EYS: variants seen among roughly 807,000 people sequenced by gnomAD.
The protein encoded by EYS is EGF-like photoreceptor maintenance factor, also known as protein eyes shut homolog.
A neutral mutation model predicts 282.1 loss-of-function variants in EYS; 250 were observed. The observed-to-expected ratio is 0.89, with a 90% CI of 0.80 to 0.98. The LOEUF (loss-of-function observed/expected upper bound fraction) is 0.98, where lower values mean the gene tolerates loss of function less well. Among genes scored for constraint, EYS ranks in the 50% least tolerant of loss-of-function variants. EYS has a pLI of 0.00. For missense variants in EYS, 4,016 were observed against 3,709.0 expected (o/e 1.08, Z -2.15); for synonymous variants, 1,355 against 1,282.9 (o/e 1.06, Z -1.20).
intron 11 of EYS, among the ~76,000 whole-genome samples, chr6:65,309,467 A>G (rs1327346186): frequency 6.6e-6 from 1 of 152,174 alleles, no homozygotes; most frequent in Non-Finnish European, 1.5e-5. Flanking sequence ...AAATGTTCTC[A>G]AAAAAGCATT....
chr6:65,314,562 GTGT>G lies in EYS; in HGVS notation c.1767-18446_1767-18444del, dbSNP rs1769249333. On this transcript the variant is annotated intron_variant, in intron 11 of 42. Coordinates refer to ENST00000503581, the MANE Select transcript of EYS (RefSeq NM_001142800.2). ...TCTCTTCTTTGGACTTCCCCTTATG[GTGT>G]GTGTGTGTGTGTGTGTGTGTGTGTG... Among the ~76,000 whole-genome samples, 49 of 6,256 alleles carry G rather than the reference GTGT, an allele frequency of 7.8e-3. 1 individual carries two copies. Among genetic ancestry groups the G allele is most frequent in the Middle Eastern group, 0.062 (1 of 16 alleles). 4.1% of individuals were successfully genotyped at this position (6,256 alleles called of 152,430 possible).
At chr6:63,765,311 A>G (rs1769759054) in intron 40 of EYS, among the ~76,000 whole-genome samples, 1 of 152,042 alleles carries the variant, frequency 6.6e-6, no homozygotes, top group Non-Finnish European at 1.5e-5. Context: ...ATAAAATGGG[A>G]CAAGTTCTAA....
At chr6:64,080,403 GTTGT>G (rs1158530833) in intron 32 of EYS, among the ~76,000 whole-genome samples, 3 of 152,096 alleles carry the variant, frequency 2.0e-5, no homozygotes, top group South Asian at 2.1e-4. Flanking sequence ...TGTTGATGGG[GTTGT>G]TTGTTTTTTT....
intron 22 of EYS, among the ~76,000 whole-genome samples, chr6:64,747,151 G>A (rs1772581292): frequency 6.6e-6 from 1 of 152,160 alleles, no homozygotes; most frequent in Non-Finnish European, 1.5e-5. Context: ...ATGATGAAAA[G>A]CAAGTAAAAC....
intron 8 of EYS, among the ~76,000 whole-genome samples, chr6:65,360,273 A>G (rs868023110): frequency 6.6e-6 from 1 of 151,982 alleles, no homozygotes. Context: ...TCAAAAAGCA[A>G]TGATGAATTT....
chr6:64,403,077 T>A (rs1338834), intron 28 of EYS, among the ~76,000 whole-genome samples: 42,112 of 151,882 alleles, frequency 0.28, 5,954 homozygotes, highest in East Asian at 0.46. Context: ...TATTAAATAC[T>A]AAGATCATTG....
chr6:64,902,235 A>T lies in EYS; in HGVS notation c.2739-15T>A. 1.3e-6 allele frequency: 2 copies of T among 1,508,474 alleles called. No homozygotes were observed. Among genetic ancestry groups the T allele is most frequent in the Non-Finnish European group, 1.8e-6 (2 of 1,109,780 alleles). 93.4% of individuals were successfully genotyped at this position (1,508,474 alleles called of 1,614,324 possible). A position where few individuals can be genotyped will look rare whatever the true frequency, so the allele number is the denominator to read the frequency against. Reference sequence around the variant, plus strand: ...TGCAAATACACCTTTTAAACAAAAAATTTAGTAACTCCATTAGTATATATG... The same window carrying T: ...TGCAAATACACCTTTTAAACAAAAATTTTAGTAACTCCATTAGTATATATG... On this transcript the variant is annotated splice_polypyrimidine_tract_variant and intron_variant, in intron 17 of 42. Coordinates refer to ENST00000503581, the MANE Select transcript of EYS (RefSeq NM_001142800.2).
chr6:65,124,389 CAA>C (rs1006259757), intron 12 of EYS, among the ~76,000 whole-genome samples: 19 of 152,080 alleles, frequency 1.2e-4, no homozygotes, highest in East Asian at 1.2e-3. Context: ...GATTTGAACT[CAA>C]GAGTCTTTAG....
chr6:65,052,261 GTGTGCATTTATGTA>G (rs1302134384), intron 13 of EYS, among the ~76,000 whole-genome samples: 2 of 151,380 alleles, frequency 1.3e-5, no homozygotes, highest in Admixed American at 1.3e-4. Flanking sequence ...TTTTATGTGT[GTGTGCATTTATGTA>G]TGTGCTTAAT....
At chr6:65,163,606 A>ATAGT (rs1764902530) in intron 12 of EYS, among the ~76,000 whole-genome samples, 1 of 151,318 alleles carries the variant, frequency 6.6e-6, no homozygotes. Flanking sequence ...GATTGCCAAT[A>ATAGT]TAGTTATTCT....
At chr6:64,242,857 C>G (rs1013014338) in intron 30 of EYS, among the ~76,000 whole-genome samples, 1 of 146,136 alleles carries the variant, frequency 6.8e-6, no homozygotes, top group African/African-American at 2.5e-5. Flanking sequence ...AAAATTATAA[C>G]ATGAATTATA....
At chr6:65,629,719 G>A (rs1766846637) in intron 2 of EYS, among the ~76,000 whole-genome samples, 1 of 151,998 alleles carries the variant, frequency 6.6e-6, no homozygotes, top group African/African-American at 2.4e-5. Context: ...TCTTTGTTTG[G>A]CGGCCCTACA....
chr6:63,830,306 A>C (rs1771593468), intron 36 of EYS, among the ~76,000 whole-genome samples: 1 of 152,326 alleles, frequency 6.6e-6, no homozygotes, highest in Non-Finnish European at 1.5e-5. Flanking sequence ...TATCGCAAAA[A>C]AGTTAAAAAC....
At chr6:65,631,414 G>A (rs1766906012) in intron 2 of EYS, among the ~76,000 whole-genome samples, 1 of 151,758 alleles carries the variant, frequency 6.6e-6, no homozygotes, top group Non-Finnish European at 1.5e-5. Context: ...TATTAGCTTT[G>A]GTCCTTGAAT....
At chr6:65,212,715 G>A (rs1353189321) in intron 12 of EYS, among the ~76,000 whole-genome samples, 1 of 151,954 alleles carries the variant, frequency 6.6e-6, no homozygotes, top group African/African-American at 2.4e-5. Flanking sequence ...TAGAAAATAA[G>A]GAGAGATGCT....
chr6:63,875,717 G>A (rs1309464336), intron 35 of EYS, among the ~76,000 whole-genome samples: 1 of 152,042 alleles, frequency 6.6e-6, no homozygotes, highest in Admixed American at 6.5e-5. Flanking sequence ...TATGTGTCAA[G>A]GAATTTATCC....
At chr6:64,276,818 G>A (rs1281752849) in intron 30 of EYS, among the ~76,000 whole-genome samples, 1 of 152,044 alleles carries the variant, frequency 6.6e-6, no homozygotes, top group African/African-American at 2.4e-5. Flanking sequence ...CCTAGACATG[G>A]CCTCATTAGT....
chr6:64,842,129 T>A (rs1320059922), intron 19 of EYS, among the ~76,000 whole-genome samples: 1 of 151,982 alleles, frequency 6.6e-6, no homozygotes, highest in Non-Finnish European at 1.5e-5. Flanking sequence ...AGGGCATTAA[T>A]GCTAATAGTG....
At position 65,429,773 on chromosome 6, in the gene EYS, C is replaced by A. The variant is rs947606664; in HGVS notation, c.863-24406G>T. On this transcript the variant is annotated intron_variant, in intron 5 of 42. Coordinates refer to ENST00000503581, the MANE Select transcript of EYS (RefSeq NM_001142800.2). ...TGATGAGTTTCCAAAAACAGATACA[C>A]AAATAATTTCAGGCTAATGAAAATG... Among the ~76,000 whole-genome samples, 6 of 151,216 alleles carry A rather than the reference C, an allele frequency of 4.0e-5. No individual in the cohort carries two copies. In the South Asian group the frequency reaches 1.0e-3, roughly 26 times the overall value.
Sources: gnomAD v4.1 joint callset for allele counts (sites outside exome capture counted in the v4.1 genomes callset) on GRCh38, gnomAD v4.1.1 for gene constraint, MANE v1.5 for transcripts, NCBI Gene and HGNC (gene_info 2026-07-23, HGNC 2026-07-21) for gene names.